PHF8: variants seen among roughly 807,000 people sequenced by gnomAD.
PHF8 encodes histone lysine demethylase PHF8.
Under a neutral mutation model 74.4 loss-of-function variants are expected in PHF8, and 9 were observed. The ratio of observed to expected loss-of-function variants is 0.12; its 90% CI spans 0.07 to 0.21. The LOEUF (loss-of-function observed/expected upper bound fraction) is 0.21. Among genes scored for constraint, PHF8 ranks in the 10% least tolerant of loss-of-function variants. The pLI is 1.00. For synonymous variants in PHF8, 311 were observed against 316.6 expected (o/e 0.98, Z 0.19); for missense variants, 478 against 816.6 (o/e 0.59, Z 5.05).
Position 54,044,065 on chromosome X carries a change from G to A in PHF8, c.-396C>T, listed in dbSNP as rs2066608742. The A allele has an allele frequency of 2.7e-6, 2 of 754,535 alleles. No individual in the cohort carries two copies. The highest frequency in any genetic ancestry group is 6.7e-5 in the South Asian group (1 of 14,890). 62.2% of individuals were successfully genotyped at this position (754,535 alleles called of 1,213,427 possible). ...CCTCGAGCCCCCCGCTGGGTCGCGC[G>A]GCGCCAGCCGCTCAACGGTGCTTCA... On this transcript the variant is annotated 5_prime_UTR_variant, in exon 1 of 22. Transcript: ENST00000338154.
rs1469606684 is a variant in PHF8, at chrX:54,002,734, G to A, written c.947-52C>T. 2.8e-5 allele frequency: 23 copies of A among 821,016 alleles called. No individual in the cohort carries two copies. The African/African-American group carries it at 4.4e-4, about 16-fold the overall frequency. 67.7% of individuals were successfully genotyped at this position (821,016 alleles called of 1,213,427 possible). ...GCTGGAAGAGGGCCTTTCTTCCTCT[G>A]ATTATCTCCACTACCTACTCATCTC... On this transcript the variant is annotated intron_variant, in intron 8 of 21. Transcript: ENST00000338154.
intron 19 of PHF8, among the ~76,000 whole-genome samples, chrX:53,946,551 G>A (rs2064834801): frequency 8.9e-6 from 1 of 112,000 alleles, no homozygotes; most frequent in Admixed American, 9.5e-5. Context: ...AATCTAGAAG[G>A]TAGGACATGC....
intron 19 of PHF8, among the ~76,000 whole-genome samples, chrX:53,962,223 C>T (rs1057363467): frequency 4.5e-5 from 5 of 111,978 alleles, no homozygotes; most frequent in Admixed American, 2.9e-4. Context: ...ACAGCTCAGC[C>T]AACCTACAGA....
chrX:54,005,851 G>GA (rs1436269063), intron 8 of PHF8, among the ~76,000 whole-genome samples: 1 of 111,243 alleles, frequency 9.0e-6, no homozygotes, highest in Non-Finnish European at 1.9e-5. Context: ...TTTACTGATG[G>GA]AAAAAAACTA....
In PHF8 at chrX:54,016,648, G is replaced by A. The variant is rs781975511; in HGVS notation, c.543C>T (p.Ser181=). The change falls in exon 6 of 22, where the codon AGC becomes AGT. Residue 181 remains serine, a synonymous_variant. Transcript: ENST00000338154. ...KLGDFVKYYY[S]GKREKVLNVI... is the part of the protein sequence containing the mutation. ...CATTGAGGACTTTCTCCCTCTTCCC[G>A]CTGTAATAGTATTTCACAAAATCAC... The A allele has an allele frequency of 1.5e-5, 18 of 1,195,776 alleles. No homozygotes were observed. The East Asian group carries it at 4.5e-4, about 30-fold the overall frequency.
intron 2 of PHF8, among the ~76,000 whole-genome samples, chrX:54,032,697 G>A (rs782663326): frequency 3.3e-4 from 36 of 110,240 alleles, no homozygotes; most frequent in Non-Finnish European, 5.9e-4. Flanking sequence ...GTTCACTGCC[G>A]TATCCCCCCT....
intron 19 of PHF8, among the ~76,000 whole-genome samples, chrX:53,949,811 CAA>C (rs11353359): frequency 1.6e-4 from 4 of 24,345 alleles, no homozygotes; most frequent in African/African-American, 5.0e-4. Context: ...GACTCCGTCT[CAA>C]AAAAAAAAAA....
At chrX:53,953,045 C>T (rs1376196034) in intron 19 of PHF8, among the ~76,000 whole-genome samples, 5 of 108,330 alleles carry the variant, frequency 4.6e-5, no homozygotes, top group Non-Finnish European at 7.7e-5. Context: ...GAGGCTGAGG[C>T]GGCCGATCAC....
chrX:53,991,610 C>G (rs1394775256), intron 14 of PHF8, among the ~76,000 whole-genome samples: 2 of 95,584 alleles, frequency 2.1e-5, no homozygotes, highest in Non-Finnish European at 4.0e-5. Flanking sequence ...TTGCAGTGAG[C>G]TGAGATCGCA....
chrX:53,942,054 C>G (rs949268172), intron 20 of PHF8, among the ~76,000 whole-genome samples: 1 of 111,837 alleles, frequency 8.9e-6, no homozygotes, highest in East Asian at 2.8e-4. Flanking sequence ...TGCTGCCAAT[C>G]TCTTTCACAT....
At chrX:54,042,529 G>GGGTC in intron 2 of PHF8, 102 bp downstream of exon 2, 6 of 691,375 alleles carry the variant, frequency 8.7e-6, no homozygotes, top group Non-Finnish European at 1.4e-5. Flanking sequence ...CTGGGAGAGG[G>GGGTC]GGTCCTGAGC....
chrX:53,945,242 G>A (rs2064815774), intron 19 of PHF8, among the ~76,000 whole-genome samples: 1 of 108,611 alleles, frequency 9.2e-6, no homozygotes, highest in Non-Finnish European at 1.9e-5. Flanking sequence ...CTATTCAGAA[G>A]GCTGAGGCAG....
intron 7 of PHF8, among the ~76,000 whole-genome samples, 182 bp downstream of exon 7, chrX:54,014,195 T>A (rs868929527): frequency 5.4e-5 from 6 of 111,487 alleles, no homozygotes; most frequent in Non-Finnish European, 1.1e-4. Context: ...GACCTCGTGA[T>A]CCGCCCGCCT....
rs143439360 is a variant in PHF8 at position 54,042,729 on chromosome X, C to T, written c.-1G>A. ...GGCAATACACCGGCACCGAGGCCAT[C>T]TTCGCTCGGCCCTGGAGCGTTCTGC... On this transcript the variant is annotated 5_prime_UTR_variant, in exon 2 of 22. Transcript: ENST00000338154. 8.6e-5 allele frequency: 104 copies of T among 1,206,520 alleles called. No individual in the cohort carries two copies. In the African/African-American group the frequency reaches 1.7e-3, roughly 20 times the overall value.
At chrX:53,963,298 C>T (rs904799855) in intron 18 of PHF8, among the ~76,000 whole-genome samples, 2 of 111,823 alleles carry the variant, frequency 1.8e-5, no homozygotes, top group African/African-American at 6.5e-5. Context: ...TCCTACTTGG[C>T]TCTCCATAGC....
At chrX:53,956,675 CGT>C (rs376217153) in intron 19 of PHF8, among the ~76,000 whole-genome samples, 3,177 of 97,032 alleles carry the variant, frequency 0.033, 47 homozygotes, top group African/African-American at 0.048. Context: ...AAAATATGTG[CGT>C]GTGTGTGTGT....
chrX:54,039,791 G>A (rs1464249227), intron 2 of PHF8: 6 of 112,402 alleles, frequency 5.3e-5, no homozygotes, highest in African/African-American at 1.9e-4. Context: ...AAATTAACCG[G>A]TGACACATAT....
chrX:53,959,863 CAAAAA>C (rs782111007), intron 19 of PHF8, among the ~76,000 whole-genome samples: 2 of 23,105 alleles, frequency 8.7e-5, no homozygotes, highest in Non-Finnish European at 1.5e-4. Context: ...GTTTCTGCCT[CAAAAA>C]AAAAAAAAAA....
At chrX:54,014,794 T>C (rs2066035857) in intron 6 of PHF8, among the ~76,000 whole-genome samples, 1 of 111,016 alleles carries the variant, frequency 9.0e-6, no homozygotes, top group Admixed American at 9.6e-5. Flanking sequence ...GCTTCTCCAG[T>C]CAAAGGTGTT....
Sources: gnomAD v4.1 joint callset for allele counts (sites outside exome capture counted in the v4.1 genomes callset) on GRCh38, gnomAD v4.1.1 for gene constraint, MANE v1.5 for transcripts, NCBI Gene and HGNC (gene_info 2026-07-23, HGNC 2026-07-21) for gene names.